TMCC2: variants seen among roughly 807,000 people sequenced by gnomAD.
The protein encoded by TMCC2 is transmembrane and coiled-coil domain family 2, also known as transmembrane and coiled-coil domains protein 2.
Under a neutral mutation model 49.4 loss-of-function variants are expected in TMCC2, and 16 were observed. The ratio of observed to expected loss-of-function variants is 0.32; its 90% CI spans 0.22 to 0.49. The LOEUF is 0.49. TMCC2 is among the 20% of genes least tolerant of loss of function. The pLI, the probability that TMCC2 is intolerant of heterozygous loss-of-function variation, is 0.99. For synonymous variants in TMCC2, 397 were observed against 434.1 expected, an observed-to-expected ratio of 0.91 and a Z score of 1.06; for missense variants, 762 against 989.8, an observed-to-expected ratio of 0.77 and a Z score of 3.09.
rs1217497462 is a variant in TMCC2 at position 205,227,951 on chromosome 1, C to T, written c.-614C>T. ...GCAGCCGGGCGGGGTAGGTTGCGCG[C>T]TCGCCGCGGGCTCGGGCCGCGGTCG... On this transcript the variant is annotated 5_prime_UTR_variant, in exon 1 of 5. Coordinates refer to ENST00000358024, the MANE Select transcript of TMCC2 (RefSeq NM_014858.4). Among the ~76,000 whole-genome samples the T allele has an allele frequency of 6.6e-6, 1 of 151,528 alleles. No homozygotes were observed. The highest frequency in any genetic ancestry group is 1.5e-5 in the Non-Finnish European group (1 of 67,812).
At position 205,269,897 on chromosome 1, in the gene TMCC2, C is replaced by A. The variant is rs547241034; in HGVS notation, c.1682+13C>A. 3 of 1,604,000 alleles carry A rather than the reference C, an allele frequency of 1.9e-6. No individual in the cohort carries two copies. In the South Asian group the frequency reaches 3.3e-5, roughly 18 times the overall value. Reference sequence around the variant, plus strand: ...AGGAGCGCTACAGGTAGGTGCCTGCCCACCCCCTCCTGCAGCCCAGCCGGA... The same window carrying A: ...AGGAGCGCTACAGGTAGGTGCCTGCACACCCCCTCCTGCAGCCCAGCCGGA... On this transcript the variant is annotated intron_variant, in intron 3 of 4. Transcript: ENST00000358024.
Position 205,246,475 on chromosome 1 carries a change from T to C in TMCC2, c.747+4431T>C, listed in dbSNP as rs1553373105. 6 of 1,429,020 alleles carry C rather than the reference T, an allele frequency of 4.2e-6. No homozygotes were observed. In the East Asian group the frequency reaches 1.1e-4, roughly 25 times the overall value. 88.5% of individuals were successfully genotyped at this position (1,429,020 alleles called of 1,614,324 possible). On this transcript the variant is annotated intron_variant, in intron 2 of 4. Transcript: ENST00000358024. ...AATTTGGGAGTTGTCAGCATATAGA[T>C]AGTATTTAAAATGATGGGACTGAAC...
In TMCC2 at chr1:205,241,358, C is replaced by T. The variant is rs1449628477; in HGVS notation, c.208-147C>T. ...TCGCAAACTGACCCTTTATGCACGA[C>T]GGGCCATCCACAGAGATCTTCCAGG... On this transcript the variant is annotated intron_variant, in intron 1 of 4. Transcript: ENST00000358024. The surrounding 1 kb of genome is among the most constrained non-coding windows in gnomAD (Gnocchi z 7.3). The T allele has an allele frequency of 1.4e-5, 13 of 904,520 alleles. No individual in the cohort carries two copies. The highest frequency in any genetic ancestry group is 6.7e-5 in the African/African-American group (4 of 59,264). 56.0% of individuals were successfully genotyped at this position (904,520 alleles called of 1,614,324 possible).
intron 1 of TMCC2, chr1:205,229,511 T>G: frequency 2.0e-6 from 1 of 496,962 alleles, no homozygotes; most frequent in Non-Finnish European, 2.4e-6. Context: ...AGCGCTTTCC[T>G]GGATGAAGCT....
chr1:205,251,853 G>C (rs12405411), intron 2 of TMCC2, among the ~76,000 whole-genome samples: 26,631 of 152,184 alleles, frequency 0.17, 3,094 homozygotes, highest in East Asian at 0.43. Flanking sequence ...GTTTAGTCAC[G>C]TCAGCTCATG....
In TMCC2 at chr1:205,269,723, T is replaced by G; in HGVS notation, c.1521T>G (p.Asn507Lys). The change falls in exon 3 of 5, where the codon AAT becomes AAG. Residue 507 changes from asparagine (N) to lysine (K), a missense_variant. Coordinates refer to ENST00000358024, the MANE Select transcript of TMCC2 (RefSeq NM_014858.4). ...PGGALGSPKS[N>K]ALYGAPGNLD... is the part of the protein sequence containing the mutation. ...GGGCGCTGGGGAGCCCTAAGTCCAA[T>G]GCACTGTATGGTGCTCCTGGAAACC... The G allele has an allele frequency of 1.2e-6, 2 of 1,614,174 alleles. No individual in the cohort carries two copies. Among genetic ancestry groups the G allele is most frequent in the Admixed American group, 1.7e-5 (1 of 60,028 alleles).
rs201528355 is a variant in TMCC2 at position 205,241,824 on chromosome 1, G to A, written c.527G>A (p.Ser176Asn). 344 of 1,602,260 alleles carry A rather than the reference G, an allele frequency of 2.1e-4. 2 individuals are homozygous for A. Among genetic ancestry groups the A allele is most frequent in the Admixed American group, 1.4e-3 (85 of 58,856 alleles). The change falls in exon 2 of 5, where the codon AGC (serine) becomes AAC (asparagine). Residue 176 changes from serine (S) to asparagine (N), a missense_variant. Physicochemically the swap from Ser to Asn is conservative, Grantham distance 46. Coordinates refer to ENST00000358024, the MANE Select transcript of TMCC2 (RefSeq NM_014858.4). This position sits in a 1 kb window ranked among gnomAD's most constrained non-coding sequence, Gnocchi z 7.3. ...SLHSSSGGGS[S>N]GSSSRRTKSS... ...CACAGCAGCAGTGGGGGCGGCAGCAGCGGGAGCAGCAGCCGGCGCACCAAG... is the reference window on the plus strand; with the variant it reads ...CACAGCAGCAGTGGGGGCGGCAGCAACGGGAGCAGCAGCCGGCGCACCAAG...
In TMCC2 at chr1:205,228,258, G is replaced by A. The variant is rs1574819111; in HGVS notation, c.-307G>A. 1 of 221,248 alleles carries A rather than the reference G, an allele frequency of 4.5e-6. No individual in the cohort carries two copies. The highest frequency in any genetic ancestry group is 8.8e-6 in the Non-Finnish European group (1 of 113,428). The allele number at this position is 221,248 out of a possible 1,614,324, so 13.7% of individuals were successfully genotyped here. A position where few individuals can be genotyped will look rare whatever the true frequency, so the allele number is the denominator to read the frequency against. ...TGAAGCAGAAAGTTTGGGGGCCGGG[G>A]GTTGTCTCCCTTCTCCCTCCTGCAA... is the stretch of plus-strand genomic sequence containing the variant. On this transcript the variant is annotated 5_prime_UTR_variant, in exon 1 of 5. Coordinates refer to ENST00000358024, the MANE Select transcript of TMCC2 (RefSeq NM_014858.4).
Position 205,242,038 on chromosome 1 carries a change from G to A in TMCC2, c.741G>A (p.Gly247=). The change falls in exon 2 of 5, where the codon GGG becomes GGA. Residue 247 remains glycine, a synonymous_variant. Transcript: ENST00000358024. ...TGGCTGAGGAGGCCGAAGGCATCGG[G>A]GACAAGGTGAGATGGGCCTTCTGGG... ...YLLAEEAEGI[G]DKVDKGDLVA... is the part of the protein sequence containing the mutation. 1.9e-6 allele frequency: 3 copies of A among 1,580,336 alleles called. No homozygotes were observed. The highest frequency in any genetic ancestry group is 1.7e-6 in the Non-Finnish European group (2 of 1,162,624).
At chr1:205,249,865 A>G (rs1574846904) in intron 2 of TMCC2, among the ~76,000 whole-genome samples, 1 of 152,230 alleles carries the variant, frequency 6.6e-6, no homozygotes, top group Non-Finnish European at 1.5e-5. Flanking sequence ...GTGGCTCGCC[A>G]GGCCAGGGCA....
At chr1:205,242,619 C>A (rs369824566) in intron 2 of TMCC2, among the ~76,000 whole-genome samples, 1 of 152,242 alleles carries the variant, frequency 6.6e-6, no homozygotes, top group East Asian at 1.9e-4. Flanking sequence ...TTCTTTTATT[C>A]GTGTAACAAG....
intron 2 of TMCC2, among the ~76,000 whole-genome samples, chr1:205,242,307 G>A (rs1184023081): frequency 1.3e-5 from 2 of 152,174 alleles, no homozygotes; most frequent in Non-Finnish European, 2.9e-5. Context: ...ATGTTGACTT[G>A]TTTTCCTTAA....
Position 205,272,158 on chromosome 1 carries a change from C to T in TMCC2, c.*34C>T. The T allele has an allele frequency of 6.3e-7, 1 of 1,596,210 alleles. No homozygotes were observed. The highest frequency in any genetic ancestry group is 8.6e-7 in the Non-Finnish European group (1 of 1,167,154). ...CCACACCAACCCTGTGCTCTCTGGC[C>T]CCCAGCTGGCCACACTTCTCCAGGA... On this transcript the variant is annotated 3_prime_UTR_variant, in exon 5 of 5. Coordinates refer to ENST00000358024, the MANE Select transcript of TMCC2 (RefSeq NM_014858.4).
intron 2 of TMCC2, among the ~76,000 whole-genome samples, chr1:205,245,495 TCA>T (rs2102553268): frequency 6.6e-6 from 1 of 152,328 alleles, no homozygotes; most frequent in African/African-American, 2.4e-5. Context: ...CAAGGGAAAC[TCA>T]GATATAAAGT....
rs933136129 is a variant in TMCC2, at chr1:205,229,556, G to T, written c.207+785G>T. 290 of 683,648 alleles carry T rather than the reference G, an allele frequency of 4.2e-4. 7 individuals carry two copies. In the East Asian group the frequency reaches 6.4e-3, roughly 15 times the overall value. The allele number at this position is 683,648 out of a possible 1,614,324, so 42.3% of individuals were successfully genotyped here. A position where few individuals can be genotyped will look rare whatever the true frequency, so the allele number is the denominator to read the frequency against. Reference sequence around the variant, plus strand: ...GATCTGTGAAGGGGCGGGGGGGGGGGGGTGGTGGCGGGGGCGGGGGGGGAA... The same window carrying T: ...GATCTGTGAAGGGGCGGGGGGGGGGTGGTGGTGGCGGGGGCGGGGGGGGAA... On this transcript the variant is annotated intron_variant, in intron 1 of 4. Coordinates refer to ENST00000358024, the MANE Select transcript of TMCC2 (RefSeq NM_014858.4).
At chr1:205,244,196 T>C (rs1026167684) in intron 2 of TMCC2, among the ~76,000 whole-genome samples, 1 of 151,772 alleles carries the variant, frequency 6.6e-6, no homozygotes, top group Non-Finnish European at 1.5e-5. Flanking sequence ...GTGGAGGCAG[T>C]CTGGTTTTGT....
intron 3 of TMCC2, 52 bp from the exon 4 acceptor site, chr1:205,271,068 G>A (rs1661569010): frequency 6.2e-7 from 1 of 1,602,372 alleles, no homozygotes; most frequent in African/African-American, 1.3e-5. Context: ...CTGTGGGAGA[G>A]AGTGGAAGCT....
In TMCC2 at chr1:205,273,066, C is replaced by T. The variant is rs1257976553; in HGVS notation, c.*942C>T. On this transcript the variant is annotated 3_prime_UTR_variant, in exon 5 of 5. Coordinates refer to ENST00000358024, the MANE Select transcript of TMCC2 (RefSeq NM_014858.4). Reference sequence around the variant, plus strand: ...GCCACCCAGCCCCACTATCCCCAAGCAGCCCTACAGCCGGGATGGGAGGCA... The same window carrying T: ...GCCACCCAGCCCCACTATCCCCAAGTAGCCCTACAGCCGGGATGGGAGGCA... The T allele has an allele frequency of 6.6e-6, 1 of 152,286 alleles. No homozygotes were observed. Among genetic ancestry groups the T allele is most frequent in the African/African-American group, 2.4e-5 (1 of 41,544 alleles). 9.4% of individuals were successfully genotyped at this position (152,286 alleles called of 1,614,324 possible). A position where few individuals can be genotyped will look rare whatever the true frequency, so the allele number is the denominator to read the frequency against.
At chr1:205,231,123 A>G (rs1015230386) in intron 1 of TMCC2, among the ~76,000 whole-genome samples, 1 of 151,402 alleles carries the variant, frequency 6.6e-6, no homozygotes, top group African/African-American at 2.4e-5. Context: ...TTTCCTGTTT[A>G]TCTCTGTCTG....
Sources: allele counts gnomAD v4.1 joint callset (sites outside exome capture counted in the v4.1 genomes callset), GRCh38; gene constraint gnomAD v4.1.1; non-coding constraint Gnocchi (gnomAD v3.1); transcripts MANE v1.5; gene names NCBI Gene and HGNC (gene_info 2026-07-23, HGNC 2026-07-21).